The following MAPKBP1 variants were observed in gnomAD, a reference collection of about 807,000 sequenced individuals.
The protein encoded by MAPKBP1 is mitogen-activated protein kinase binding protein 1.
Under a neutral mutation model 170.5 loss-of-function variants are expected in MAPKBP1, and 71 were observed. The observed-to-expected ratio is 0.42, with a 90% CI of 0.34 to 0.51. The LOEUF (loss-of-function observed/expected upper bound fraction) is 0.51, where lower values mean the gene tolerates loss of function less well. Among genes scored for constraint, MAPKBP1 ranks in the 20% least tolerant of loss-of-function variants. MAPKBP1 has a pLI of 0.06. For synonymous variants in MAPKBP1, 719 were observed against 757.9 expected (o/e 0.95, Z 0.84); for missense variants, 1,598 against 1,933.0 (o/e 0.83, Z 3.25).
chr15:41,825,334 C>G lies in MAPKBP1; in HGVS notation c.4425C>G (p.Ser1475Arg), dbSNP rs1383101913. ...VAGAVLSSPG[S>R]SPGAVGAEQT... ...GGGCAGTGCTGTCCAGCCCAGGCAG[C>G]AGCCCTGGGGCTGTGGGAGCCGAGC... The change falls in exon 31 of 31, where the codon AGC (serine) becomes AGG (arginine). Residue 1475 changes from serine (S) to arginine (R), a missense_variant. Physicochemically the swap from Ser to Arg is moderately radical, Grantham distance 110. This residue lies in a region of MAPKBP1 where 942 missense variants were observed against 953.2 expected (regional missense o/e 0.99). Coordinates refer to ENST00000457542, the MANE Select transcript of MAPKBP1 (RefSeq NM_014994.3). 1.9e-6 allele frequency: 3 copies of G among 1,613,194 alleles called. No homozygotes were observed. In the East Asian group the frequency reaches 6.7e-5, roughly 36 times the overall value.
chr15:41,824,410 T>C (rs2065053821), intron 29 of MAPKBP1, 74 bp from the exon 30 acceptor site: 2 of 1,380,382 alleles, frequency 1.4e-6, no homozygotes, highest in African/African-American at 2.9e-5. Context: ...TCTCTCCTGT[T>C]CTGAGTGTCT....
chr15:41,818,286 C>T lies in MAPKBP1; in HGVS notation c.2073C>T (p.Ala691=), dbSNP rs911499026. ...IFDFSSGECV[A]TMFGHSEIVT... is the part of the protein sequence containing the mutation. Reference sequence around the variant, plus strand: ...ACTTCTCCTCAGGCGAGTGCGTGGCCACCATGTTTGGCCACTCAGGTGAGT... The same window carrying T: ...ACTTCTCCTCAGGCGAGTGCGTGGCTACCATGTTTGGCCACTCAGGTGAGT... The change falls in exon 18 of 31, where the codon GCC becomes GCT. Residue 691 remains alanine (A), a synonymous_variant. Coordinates refer to ENST00000457542, the MANE Select transcript of MAPKBP1 (RefSeq NM_014994.3). The surrounding 1 kb of genome is among the most constrained non-coding windows in gnomAD (Gnocchi z 5.2). 1 of 1,614,046 alleles carries T rather than the reference C, an allele frequency of 6.2e-7. No homozygotes were observed. The highest frequency in any genetic ancestry group is 1.3e-5 in the African/African-American group (1 of 75,006).
At chr15:41,809,252 A>C (rs1172024269) in intron 3 of MAPKBP1, among the ~76,000 whole-genome samples, 1 of 151,292 alleles carries the variant, frequency 6.6e-6, no homozygotes, top group South Asian at 2.1e-4. Context: ...ACAAGGAAAG[A>C]GTAGGAAATG....
chr15:41,823,805 A>G lies in MAPKBP1; in HGVS notation c.3957A>G (p.Ala1319=), dbSNP rs1367966460. The change falls in exon 29 of 31, where the codon GCA becomes GCG. Residue 1319 remains alanine (A), a synonymous_variant. Transcript: ENST00000457542. ...PVTKGRAPGE[A]EKPGFPVGLG... ...CCAAAGGCCGGGCCCCTGGCGAGGCAGAAAAGCCTGGCTTCCCGGTGGGCC... is the reference window on the plus strand; with the variant it reads ...CCAAAGGCCGGGCCCCTGGCGAGGCGGAAAAGCCTGGCTTCCCGGTGGGCC... 1 of 1,614,160 alleles carries G rather than the reference A, an allele frequency of 6.2e-7. No individual in the cohort carries two copies. The highest frequency in any genetic ancestry group is 8.5e-7 in the Non-Finnish European group (1 of 1,180,012).
chr15:41,790,826 C>G (rs2064383504), intron 2 of MAPKBP1, among the ~76,000 whole-genome samples: 1 of 152,178 alleles, frequency 6.6e-6, no homozygotes, highest in Non-Finnish European at 1.5e-5. Flanking sequence ...AACTTTGAAG[C>G]AACAGGAATG....
intron 2 of MAPKBP1, among the ~76,000 whole-genome samples, chr15:41,795,163 C>CAAAAAAAAAAAAA (rs57214059): frequency 8.8e-6 from 1 of 113,202 alleles, no homozygotes; most frequent in African/African-American, 3.4e-5. Context: ...AACCCTGTCT[C>CAAAAAAAAAAAAA]AAAAAAAAAA....
chr15:41,816,519 C>T (rs1454878260), intron 12 of MAPKBP1, 40 bp from the exon 13 acceptor site: 1 of 1,448,346 alleles, frequency 6.9e-7, no homozygotes, highest in Admixed American at 1.7e-5. Flanking sequence ...CTTCCTGCGG[C>T]CTGGCCATGG....
chr15:41,827,791 G>A lies in MAPKBP1; in HGVS notation c.*2355G>A, dbSNP rs2065143602. 1.1e-5 allele frequency: 3 copies of A among 260,976 alleles called. No individual in the cohort carries two copies. The highest frequency in any genetic ancestry group is 1.4e-5 in the Non-Finnish European group (2 of 138,370). The allele number at this position is 260,976 out of a possible 1,614,324, so 16.2% of individuals were successfully genotyped here. On this transcript the variant is annotated 3_prime_UTR_variant, in exon 31 of 31. Transcript: ENST00000457542. The stretch of plus-strand genomic sequence containing the variant: ...ATCCTCGGCTGCATGGGGCGGGGGC[G>A]CTGTTTTTAACGTGCCCGTTTGTAC...
At chr15:41,781,562 G>C (rs943145628) in intron 2 of MAPKBP1, among the ~76,000 whole-genome samples, 2 of 151,940 alleles carry the variant, frequency 1.3e-5, no homozygotes, top group Non-Finnish European at 2.9e-5. Flanking sequence ...ATGATTGCTC[G>C]AGCCCAGGAG....
chr15:41,814,785 G>A (rs907672431), intron 10 of MAPKBP1, 46 bp downstream of exon 10: 3 of 1,603,380 alleles, frequency 1.9e-6, no homozygotes, highest in African/African-American at 2.7e-5. Flanking sequence ...GGTTGGCTGG[G>A]ATACCATTTT....
rs1164438159 is a variant in MAPKBP1, at chr15:41,818,619, T to C, written c.2156+37T>C. On this transcript the variant is annotated intron_variant, in intron 19 of 30. Transcript: ENST00000457542. The surrounding 1 kb of genome is among the most constrained non-coding windows in gnomAD (Gnocchi z 5.2). Reference sequence around the variant, plus strand: ...CCAGCTTCCCTGAGAGGCAGATTCTTACTCTGCCACAGCACCCTGCCCTCC... The same window carrying C: ...CCAGCTTCCCTGAGAGGCAGATTCTCACTCTGCCACAGCACCCTGCCCTCC... The C allele has an allele frequency of 1.3e-6, 2 of 1,580,110 alleles. No homozygotes were observed. The highest frequency in any genetic ancestry group is 1.3e-5 in the African/African-American group (1 of 74,210).
At chr15:41,821,804 G>A (rs1426843360) in intron 24 of MAPKBP1, 54 bp downstream of exon 24, 11 of 1,582,312 alleles carry the variant, frequency 7.0e-6, no homozygotes, top group Non-Finnish European at 9.5e-6. Context: ...CTCCCTATGA[G>A]TGTTCTTTAG....
intron 2 of MAPKBP1, among the ~76,000 whole-genome samples, chr15:41,781,726 A>G (rs541047475): frequency 4.6e-5 from 7 of 152,244 alleles, no homozygotes; most frequent in African/African-American, 1.7e-4. Context: ...CCTTTGTGAA[A>G]CCATATGGCT....
chr15:41,823,931 C>T lies in MAPKBP1; in HGVS notation c.4083C>T (p.Ser1361=), dbSNP rs759775485. 3.5e-5 allele frequency: 57 copies of T among 1,614,124 alleles called. No homozygotes were observed. Among genetic ancestry groups the T allele is most frequent in the Admixed American group, 5.0e-5 (3 of 60,020 alleles). Residue 1361 remains serine, a synonymous_variant, in exon 29 of 31, where the codon AGC becomes AGT. Transcript: ENST00000457542. ...GCCAGGCTCATCCTGGGCCCAGCAG[C>T]CCCTGTGCCCAGCAACTGCCAGTCA... ...TECQAHPGPS[S]PCAQQLPVSS...
At chr15:41,795,643 G>C (rs1369231378) in intron 2 of MAPKBP1, among the ~76,000 whole-genome samples, 1 of 152,122 alleles carries the variant, frequency 6.6e-6, no homozygotes, top group Non-Finnish European at 1.5e-5. Context: ...GTCTCGCTCT[G>C]TCGCCCAGGC....
At chr15:41,820,776 G>A in intron 22 of MAPKBP1, 56 bp from the exon 23 acceptor site, 2 of 1,304,628 alleles carry the variant, frequency 1.5e-6, no homozygotes, top group Non-Finnish European at 2.2e-6. Flanking sequence ...GTGGATATTT[G>A]TTGATCTTAC....
rs2064577193 is a variant in MAPKBP1, at chr15:41,800,740, A to G, written c.206+826A>G. 2.6e-5 allele frequency among the ~76,000 whole-genome samples: 4 copies of G among 151,960 alleles called. No individual in the cohort carries two copies. The South Asian group carries it at 8.3e-4, about 32-fold the overall frequency. ...TGCCTATTCTGGATATTTCATATAA[A>G]CGGAATCAGGTAACACTGTATTTGG... On this transcript the variant is annotated intron_variant, in intron 3 of 30. Coordinates refer to ENST00000457542, the MANE Select transcript of MAPKBP1 (RefSeq NM_014994.3).
chr15:41,811,975 G>A lies in MAPKBP1; in HGVS notation c.346G>A (p.Val116Met), dbSNP rs760925006. Reference sequence around the variant, plus strand: ...CCTGCAGAGTGGGCACATGCCTGCCGTGCGGGTTTGGGACGTGGCAGAGCA... The same window carrying A: ...CCTGCAGAGTGGGCACATGCCTGCCATGCGGGTTTGGGACGTGGCAGAGCA... ...VTGESGHMPA[V>M]RVWDVAEHSQ... Residue 116 changes from valine to methionine, a missense_variant, in exon 6 of 31, where the codon GTG (valine) becomes ATG (methionine). Physicochemically the swap from Val to Met is conservative, Grantham distance 21. Around this residue, in one of 6 missense-constraint regions of MAPKBP1, gnomAD observed 151 missense variants for 191.4 expected, o/e 0.79. Coordinates refer to ENST00000457542, the MANE Select transcript of MAPKBP1 (RefSeq NM_014994.3). 2.5e-6 allele frequency: 4 copies of A among 1,614,142 alleles called. No individual in the cohort carries two copies. The highest frequency in any genetic ancestry group is 3.4e-6 in the Non-Finnish European group (4 of 1,180,024).
intron 8 of MAPKBP1, 102 bp downstream of exon 8, chr15:41,813,203 G>T (rs976190595): frequency 7.8e-6 from 12 of 1,532,476 alleles, no homozygotes; most frequent in Non-Finnish European, 8.9e-6. Flanking sequence ...TTGTGCATAC[G>T]GGAGATCCCA....
Sources: allele counts gnomAD v4.1 joint callset (sites outside exome capture counted in the v4.1 genomes callset), GRCh38; gene constraint gnomAD v4.1.1; regional missense constraint gnomAD v4.1.1; non-coding constraint Gnocchi (gnomAD v3.1); transcripts MANE v1.5; gene names NCBI Gene and HGNC (gene_info 2026-07-23, HGNC 2026-07-21).